The following BCKDHB variants were observed in gnomAD, a reference collection of about 807,000 sequenced individuals.
BCKDHB encodes the protein 2-oxoisovalerate dehydrogenase subunit beta, mitochondrial.
In BCKDHB, 41 loss-of-function variants were observed where a neutral mutation model predicts 48.5. The ratio of observed to expected loss-of-function variants is 0.85; its 90% CI spans 0.66 to 1.10. The LOEUF (loss-of-function observed/expected upper bound fraction) is 1.10. BCKDHB is among the 50% of genes least tolerant of loss of function. The pLI is 0.00. For synonymous variants in BCKDHB, 201 were observed against 174.8 expected (o/e 1.15, Z -1.18); for missense variants, 496 against 494.2 (o/e 1.00, Z -0.03).
At chr6:80,383,778 A>G in the BCKDHB span, among the ~76,000 whole-genome samples, 1 of 152,116 alleles carries the variant, frequency 6.6e-6, no homozygotes, top group African/African-American at 2.4e-5. Flanking sequence ...AAAAGGAGCT[A>G]GTCTTGTAGC....
chr6:80,220,734 C>CTTTTTTTTTTTT (rs67235328), intron 8 of BCKDHB, among the ~76,000 whole-genome samples: 12 of 121,950 alleles, frequency 9.8e-5, no homozygotes, highest in African/African-American at 2.4e-4. Context: ...TTTTCTTTTT[C>CTTTTTTTTTTTT]TTTTTTTTTT....
At chr6:80,107,183 G>C (rs1009253795) in intron 1 of BCKDHB, among the ~76,000 whole-genome samples, 49 of 151,702 alleles carry the variant, frequency 3.2e-4, no homozygotes, top group African/African-American at 1.2e-3. Context: ...CCCAGGGAAC[G>C]CCTCCCTTTT....
At chr6:80,291,776 T>C (rs970440144) in intron 9 of BCKDHB, among the ~76,000 whole-genome samples, 6 of 152,184 alleles carry the variant, frequency 3.9e-5, no homozygotes, top group African/African-American at 9.6e-5. Flanking sequence ...TAATAACAAG[T>C]GTACCACAGT....
the BCKDHB span, among the ~76,000 whole-genome samples, chr6:80,369,037 G>A: frequency 6.7e-6 from 1 of 150,018 alleles, no homozygotes; most frequent in African/African-American, 2.5e-5. Flanking sequence ...CAAAAGAAAA[G>A]AAAAAAAATT....
chr6:80,328,304 C>T (rs1385968220), intron 9 of BCKDHB, among the ~76,000 whole-genome samples: 1 of 152,170 alleles, frequency 6.6e-6, no homozygotes, highest in Non-Finnish European at 1.5e-5. Flanking sequence ...TCTTTATTAT[C>T]ATGCTGATCA....
At chr6:80,314,280 GTCAC>G (rs557765962) in intron 9 of BCKDHB, among the ~76,000 whole-genome samples, 33 of 152,310 alleles carry the variant, frequency 2.2e-4, no homozygotes, top group Admixed American at 1.9e-3. Context: ...TGCTTGAGCT[GTCAC>G]TCAGTCAGGA....
intron 8 of BCKDHB, among the ~76,000 whole-genome samples, chr6:80,209,348 A>G (rs1216756997): frequency 6.6e-6 from 1 of 151,984 alleles, no homozygotes; most frequent in Non-Finnish European, 1.5e-5. Context: ...AAACTGAAGC[A>G]TATAGCATGT....
intron 6 of BCKDHB, among the ~76,000 whole-genome samples, chr6:80,193,780 A>G (rs892458188): frequency 2.0e-5 from 3 of 151,596 alleles, no homozygotes; most frequent in Non-Finnish European, 2.9e-5. Flanking sequence ...TTATGACTTG[A>G]TATATTTAGA....
chr6:80,316,022 T>C (rs1555183), intron 9 of BCKDHB, among the ~76,000 whole-genome samples: 1,813 of 152,282 alleles, frequency 0.012, 28 homozygotes, highest in African/African-American at 0.042. Flanking sequence ...AAAGTGAAAA[T>C]ATCTTTCGGG....
chr6:80,108,559 TAAAAA>T (rs35042481), intron 1 of BCKDHB, among the ~76,000 whole-genome samples: 1 of 137,426 alleles, frequency 7.3e-6, no homozygotes. Flanking sequence ...GGATAAAAAG[TAAAAA>T]AAAAAAAAAA....
chr6:80,383,667 AAAT>A, the BCKDHB span, among the ~76,000 whole-genome samples: 15 of 152,072 alleles, frequency 9.9e-5, no homozygotes, highest in Non-Finnish European at 1.6e-4. Flanking sequence ...CTCTTTAGAA[AAAT>A]AATGTTTTTT....
the BCKDHB span, chr6:80,374,458 C>T: frequency 4.0e-6 from 3 of 755,626 alleles, no homozygotes; most frequent in South Asian, 4.0e-5. Flanking sequence ...ATATGCATAC[C>T]CTTGATGGCC....
chr6:80,192,325 A>G (rs1773936982), intron 6 of BCKDHB, among the ~76,000 whole-genome samples: 1 of 152,078 alleles, frequency 6.6e-6, no homozygotes, highest in South Asian at 2.1e-4. Flanking sequence ...TGGCTTTAAA[A>G]TATCGCCCTT....
Position 80,344,066 on chromosome 6 carries a change from T to C in BCKDHB, c.*262T>C, listed in dbSNP as rs983661228. 1.1e-5 allele frequency: 5 copies of C among 458,518 alleles called. No homozygotes were observed. Among genetic ancestry groups the C allele is most frequent in the African/African-American group, 9.9e-5 (5 of 50,378 alleles). 28.4% of individuals were successfully genotyped at this position (458,518 alleles called of 1,614,324 possible). A position where few individuals can be genotyped will look rare whatever the true frequency, so the allele number is the denominator to read the frequency against. Reference sequence around the variant, plus strand: ...CCCAGGCTAGACTGCAGTGGTGCAATCTCAGCTCACTGCAACCTCCCCCCT... The same window carrying C: ...CCCAGGCTAGACTGCAGTGGTGCAACCTCAGCTCACTGCAACCTCCCCCCT... On this transcript the variant is annotated 3_prime_UTR_variant, in exon 10 of 10. Coordinates refer to ENST00000320393, the MANE Select transcript of BCKDHB (RefSeq NM_183050.4).
chr6:80,200,999 A>C lies in BCKDHB; in HGVS notation c.808A>C (p.Ser270Arg). The C allele has an allele frequency of 6.2e-7, 1 of 1,612,654 alleles. No individual in the cohort carries two copies. Among genetic ancestry groups the C allele is most frequent in the South Asian group, 1.1e-5 (1 of 91,062 alleles). ...CCAGGCCGAAGTCATACAGGAAGGG[A>C]GTGATGTTACTCTAGTTGCCTGGGG... is the stretch of plus-strand genomic sequence containing the variant. The part of the protein sequence containing the change: ...LSQAEVIQEG[S>R]DVTLVAWGTQ... Residue 270 changes from serine (S) to arginine (R), a missense_variant, in exon 7 of 10, where the codon AGT becomes CGT. Transcript: ENST00000320393.
At chr6:80,356,017 A>T in the BCKDHB span, 1 of 152,220 alleles carries the variant, frequency 6.6e-6, no homozygotes, top group African/African-American at 2.4e-5. Context: ...ACAACATCTC[A>T]TCAATATTTG....
At chr6:80,458,883 G>A in the BCKDHB span, among the ~76,000 whole-genome samples, 1 of 152,086 alleles carries the variant, frequency 6.6e-6, no homozygotes, top group Non-Finnish European at 1.5e-5. Flanking sequence ...AAATATCAGT[G>A]TCACTAATCA....
At chr6:80,421,352 G>A in the BCKDHB span, among the ~76,000 whole-genome samples, 3 of 152,162 alleles carry the variant, frequency 2.0e-5, no homozygotes, top group African/African-American at 7.2e-5. Flanking sequence ...AAATTACCCA[G>A]TCTCTGGTAG....
At chr6:80,126,396 A>G (rs952950666) in intron 1 of BCKDHB, among the ~76,000 whole-genome samples, 9 of 152,192 alleles carry the variant, frequency 5.9e-5, no homozygotes, top group African/African-American at 2.2e-4. Context: ...GAAAAGGACA[A>G]GTGACCAATG....
Sources: allele counts gnomAD v4.1 joint callset (sites outside exome capture counted in the v4.1 genomes callset), GRCh38; gene constraint gnomAD v4.1.1; transcripts MANE v1.5; gene names NCBI Gene and HGNC (gene_info 2026-07-23, HGNC 2026-07-21).